SGMS1: variants seen among roughly 807,000 people sequenced by gnomAD.
The protein encoded by SGMS1 is phosphatidylcholine:ceramide cholinephosphotransferase 1.
SGMS1 carries 13 observed loss-of-function variants against 46.2 expected under a neutral mutation model. The observed-to-expected ratio is 0.28, with a 90% CI of 0.18 to 0.45. The LOEUF (loss-of-function observed/expected upper bound fraction) is 0.45. Ranked by LOEUF, SGMS1 falls within the 20% of genes least tolerant of loss-of-function variation. The probability of loss-of-function intolerance (pLI) is 1.00; values close to 1 mark genes in which losing one functional copy is unlikely to be tolerated. For missense variants in SGMS1, 324 were observed against 519.9 expected (o/e 0.62, Z 3.66); for synonymous variants, 203 against 187.8 (o/e 1.08, Z -0.66).
At chr10:50,541,248 T>C (rs2133818630) in intron 2 of SGMS1, among the ~76,000 whole-genome samples, 2 of 152,334 alleles carry the variant, frequency 1.3e-5, no homozygotes. Context: ...TCATGAAGAC[T>C]TAATCCAGTA....
At chr10:50,469,646 C>A (rs1031170930) in intron 3 of SGMS1, among the ~76,000 whole-genome samples, 2 of 152,140 alleles carry the variant, frequency 1.3e-5, no homozygotes, top group African/African-American at 4.8e-5. Flanking sequence ...TCTTTGTAGA[C>A]ATTAACCTAA....
chr10:50,477,948 A>C (rs1356864644), intron 3 of SGMS1, among the ~76,000 whole-genome samples: 2 of 145,016 alleles, frequency 1.4e-5, no homozygotes, highest in African/African-American at 5.4e-5. Context: ...TCTTTACAGC[A>C]GTGTGAGGGC....
chr10:50,396,582 T>C lies in SGMS1; in HGVS notation c.-232+36894A>G, dbSNP rs115986848. The stretch of plus-strand genomic sequence containing the variant: ...ACTCCATCTGTTTTTGTTTGTTTGT[T>C]TGAGGAAGTGTTGACCTTTCCAAGC... On this transcript the variant is annotated intron_variant, in intron 6 of 10. Transcript: ENST00000361781. 2.6e-3 allele frequency among the ~76,000 whole-genome samples: 395 copies of C among 152,268 alleles called. 2 individuals are homozygous for C. Among genetic ancestry groups the C allele is most frequent in the African/African-American group, 9.2e-3 (384 of 41,550 alleles).
At chr10:50,622,941 C>G (rs1043050441) in intron 1 of SGMS1, among the ~76,000 whole-genome samples, 2 of 152,220 alleles carry the variant, frequency 1.3e-5, no homozygotes, top group African/African-American at 4.8e-5. Flanking sequence ...TAGCGCAGAC[C>G]CCCTCTGTCA....
chr10:50,568,751 T>C (rs1838312045), intron 2 of SGMS1, among the ~76,000 whole-genome samples: 3 of 152,316 alleles, frequency 2.0e-5, no homozygotes, highest in South Asian at 2.1e-4. Flanking sequence ...TTTTCCCCTA[T>C]ATTAATGAAG....
chr10:50,427,963 G>A (rs1261409349), intron 6 of SGMS1, among the ~76,000 whole-genome samples: 1 of 148,704 alleles, frequency 6.7e-6, no homozygotes, highest in Non-Finnish European at 1.5e-5. Context: ...AGGCTAAGCT[G>A]CGTGTGAATG....
chr10:50,540,156 G>A (rs1029083188), intron 2 of SGMS1, among the ~76,000 whole-genome samples: 1 of 152,154 alleles, frequency 6.6e-6, no homozygotes, highest in African/African-American at 2.4e-5. Flanking sequence ...CATGTTTAAA[G>A]GTCAATACAA....
At chr10:50,310,531 T>TA (rs1295800582) in intron 9 of SGMS1, among the ~76,000 whole-genome samples, 1 of 151,958 alleles carries the variant, frequency 6.6e-6, no homozygotes, top group African/African-American at 2.4e-5. Flanking sequence ...TATATAAATT[T>TA]AAAAAACCAC....
At chr10:50,397,368 G>A (rs1306373610) in intron 6 of SGMS1, among the ~76,000 whole-genome samples, 1 of 152,194 alleles carries the variant, frequency 6.6e-6, no homozygotes, top group East Asian at 1.9e-4. Context: ...AGATGAAGAT[G>A]TTAAAGAGGA....
chr10:50,411,887 T>C (rs899515126), intron 6 of SGMS1, among the ~76,000 whole-genome samples: 1 of 152,204 alleles, frequency 6.6e-6, no homozygotes, highest in Non-Finnish European at 1.5e-5. Context: ...TCTACTTCTG[T>C]ATGATAAGGA....
chr10:50,554,091 T>C (rs980977890), intron 2 of SGMS1, among the ~76,000 whole-genome samples: 4 of 152,198 alleles, frequency 2.6e-5, no homozygotes, highest in Non-Finnish European at 5.9e-5. Flanking sequence ...ACAGGTGACT[T>C]GGGAGTAACC....
intron 6 of SGMS1, among the ~76,000 whole-genome samples, chr10:50,429,492 A>T (rs1026317519): frequency 2.0e-5 from 3 of 152,202 alleles, no homozygotes; most frequent in African/African-American, 4.8e-5. Context: ...CTTAGAACAT[A>T]GCCTCATAAT....
intron 1 of SGMS1, among the ~76,000 whole-genome samples, chr10:50,620,850 C>T (rs1010621609): frequency 1.2e-4 from 18 of 152,128 alleles, no homozygotes; most frequent in Admixed American, 1.0e-3. Flanking sequence ...TAAGTTAAAG[C>T]ATTTGACATC....
At chr10:50,383,022 G>C in intron 6 of SGMS1, among the ~76,000 whole-genome samples, 1 of 152,106 alleles carries the variant, frequency 6.6e-6, no homozygotes, top group East Asian at 1.9e-4. Context: ...CTCTACAATA[G>C]AGTCTTAAGA....
intron 2 of SGMS1, among the ~76,000 whole-genome samples, chr10:50,527,645 T>C (rs1185819278): frequency 6.6e-6 from 1 of 152,120 alleles, no homozygotes; most frequent in Non-Finnish European, 1.5e-5. Flanking sequence ...ATAAATAAAG[T>C]GTGGCGTTTG....
intron 2 of SGMS1, among the ~76,000 whole-genome samples, chr10:50,582,869 T>G (rs183265191): frequency 1.1e-3 from 168 of 152,302 alleles, no homozygotes; most frequent in Non-Finnish European, 2.0e-3. Flanking sequence ...GAGGCAAGTG[T>G]GGGGACAGGG....
chr10:50,602,730 A>C (rs1465406206), intron 1 of SGMS1, among the ~76,000 whole-genome samples: 1 of 152,250 alleles, frequency 6.6e-6, no homozygotes, highest in Non-Finnish European at 1.5e-5. Flanking sequence ...CTGGATATAT[A>C]TGCATTTATT....
At chr10:50,489,337 T>C (rs1341722831) in intron 3 of SGMS1, among the ~76,000 whole-genome samples, 2 of 152,196 alleles carry the variant, frequency 1.3e-5, no homozygotes, top group African/African-American at 4.8e-5. Context: ...ATCCGAAACA[T>C]GTGGATGCTT....
At chr10:50,320,872 A>G (rs1056306759) in intron 8 of SGMS1, among the ~76,000 whole-genome samples, 1 of 152,224 alleles carries the variant, frequency 6.6e-6, no homozygotes, top group African/African-American at 2.4e-5. Context: ...GTGTCTGTGC[A>G]TCCATGGCAA....
Sources: gnomAD v4.1 joint callset for allele counts (sites outside exome capture counted in the v4.1 genomes callset) on GRCh38, gnomAD v4.1.1 for gene constraint, MANE v1.5 for transcripts, NCBI Gene and HGNC (gene_info 2026-07-23, HGNC 2026-07-21) for gene names.